Variants in WDR36 observed in about 807,000 individuals in gnomAD.
WDR36 encodes WD repeat-containing protein 36.
WDR36 carries 63 observed loss-of-function variants against 112.7 expected under a neutral mutation model. That is an observed-to-expected ratio of 0.56 (90% CI 0.46 to 0.69). The LOEUF is 0.69. Ranked by LOEUF, WDR36 falls within the 30% of genes least tolerant of loss-of-function variation. The probability of loss-of-function intolerance (pLI) is 0.00; values close to 1 mark genes in which losing one functional copy is unlikely to be tolerated. For missense variants in WDR36, 1,226 were observed against 1,070.3 expected (o/e 1.15, Z -2.03); for synonymous variants, 410 against 362.2 (o/e 1.13, Z -1.50).
In WDR36 at chr5:111,117,503, A is replaced by G. The variant is rs542011246; in HGVS notation, c.1797-1510A>G. ...TGCCCTGTTTTTGTGTTTTAGTTTC[A>G]GTAGTGGCTTTACTAGAATTTATAT... is the stretch of plus-strand genomic sequence containing the variant. On this transcript the variant is annotated intron_variant, in intron 16 of 22. Coordinates refer to ENST00000513710, the MANE Select transcript of WDR36 (RefSeq NM_139281.3). 2.6e-5 allele frequency among the ~76,000 whole-genome samples: 4 copies of G among 152,136 alleles called. No homozygotes were observed. In the South Asian group the frequency reaches 8.3e-4, roughly 32 times the overall value.
chr5:111,120,963 A>G, intron 18 of WDR36, 33 bp from the exon 19 acceptor site: 1 of 1,578,104 alleles, frequency 6.3e-7, no homozygotes, highest in Non-Finnish European at 8.7e-7. Flanking sequence ...ATATGATAAA[A>G]ATCTTTTGTT....
In WDR36 at chr5:111,125,664, C is replaced by A. The variant is rs1753666004; in HGVS notation, c.2407C>A (p.Leu803Met). ...AGGCCCATCAGGAATTGAAACAGAG[C>A]TGCGAAGCTTGTCTCCTGATTGTGG... Reference protein sequence around the residue: ...ESGPSGIETELRSLSPDCGGS... With the variant: ...ESGPSGIETEMRSLSPDCGGS... The change falls in exon 22 of 23, where the codon CTG (leucine) becomes ATG (methionine). Residue 803 changes from leucine to methionine, a missense_variant. Coordinates refer to ENST00000513710, the MANE Select transcript of WDR36 (RefSeq NM_139281.3). 3 of 1,613,858 alleles carry A rather than the reference C, an allele frequency of 1.9e-6. No individual in the cohort carries two copies. In the African/African-American group the frequency reaches 4.0e-5, roughly 22 times the overall value.
At chr5:111,116,917 A>T (rs1038207815) in intron 16 of WDR36, among the ~76,000 whole-genome samples, 3 of 152,244 alleles carry the variant, frequency 2.0e-5, no homozygotes, top group African/African-American at 7.2e-5. Context: ...CCCTTCACGT[A>T]TGTAAACTTT....
rs1396125425 is a variant in WDR36, at chr5:111,106,054, T to C, written c.1094-3T>C. The C allele has an allele frequency of 5.6e-6, 9 of 1,605,008 alleles. No individual in the cohort carries two copies. The highest frequency in any genetic ancestry group is 7.7e-6 in the Non-Finnish European group (9 of 1,172,836). On this transcript the variant is annotated splice_region_variant and splice_polypyrimidine_tract_variant and intron_variant, in intron 10 of 22. Transcript: ENST00000513710. ...TGTATGTTCCCCTTTCCCCCATCCTTAGGATTAATAAATAAAAAGAGAGTT... is the reference window on the plus strand; with the variant it reads ...TGTATGTTCCCCTTTCCCCCATCCTCAGGATTAATAAATAAAAAGAGAGTT...
At chr5:111,125,833 T>G (rs1220634000) in intron 22 of WDR36, 38 bp downstream of exon 22, 2 of 1,609,850 alleles carry the variant, frequency 1.2e-6, no homozygotes, top group Non-Finnish European at 1.7e-6. Context: ...CAGCTTGTCT[T>G]CTTCTGGGGC....
At chr5:111,113,873 C>G (rs1164194026) in intron 16 of WDR36, among the ~76,000 whole-genome samples, 3 of 152,108 alleles carry the variant, frequency 2.0e-5, no homozygotes, top group Admixed American at 1.3e-4. Context: ...ATGATAATCC[C>G]TTAATCCATG....
At chr5:111,123,955 A>G (rs759452669) in intron 20 of WDR36, 31 bp downstream of exon 20, 21 of 1,612,692 alleles carry the variant, frequency 1.3e-5, no homozygotes, top group Non-Finnish European at 1.7e-5. Context: ...TTCTAAGTAT[A>G]TCGGTGTATG....
At chr5:111,096,608 G>A (rs1429284522) in intron 2 of WDR36, among the ~76,000 whole-genome samples, 1 of 152,082 alleles carries the variant, frequency 6.6e-6, no homozygotes, top group Non-Finnish European at 1.5e-5. Context: ...GGAGGCTGAG[G>A]CAGGAGAATC....
chr5:111,092,817 G>A (rs572555439), intron 1 of WDR36, among the ~76,000 whole-genome samples, 199 bp downstream of exon 1: 48 of 152,382 alleles, frequency 3.1e-4, no homozygotes, highest in African/African-American at 1.1e-3. Context: ...GCGTGTTTCA[G>A]AGGCAGCCTG....
At chr5:111,116,554 C>G (rs1454760934) in intron 16 of WDR36, among the ~76,000 whole-genome samples, 1 of 152,096 alleles carries the variant, frequency 6.6e-6, no homozygotes, top group Non-Finnish European at 1.5e-5. Flanking sequence ...TAAATCTGAT[C>G]TCTTAGAATA....
rs17553936 is a variant in WDR36 at position 111,118,983 on chromosome 5, A to G, written c.1797-30A>G. ...TTATCTCCTTTTTGGTAGAGTTCAA[A>G]TACTTTTAACATGTTAATTATTTCT... On this transcript the variant is annotated intron_variant, in intron 16 of 22. Coordinates refer to ENST00000513710, the MANE Select transcript of WDR36 (RefSeq NM_139281.3). The G allele has an allele frequency of 0.31, 480,457 of 1,558,054 alleles. 77,848 individuals are homozygous for G. The highest frequency in any genetic ancestry group is 0.4 in the South Asian group (36,210 of 89,946).
Position 111,107,295 on chromosome 5 carries a change from G to A in WDR36, c.1182G>A (p.Glu394=). 6.2e-7 allele frequency: 1 copy of A among 1,609,384 alleles called. No homozygotes were observed. Among genetic ancestry groups the A allele is most frequent in the Non-Finnish European group, 8.5e-7 (1 of 1,177,048 alleles). Residue 394 remains glutamate, a splice_region_variant and synonymous_variant, in exon 12 of 23, where the codon GAG becomes GAA. Transcript: ENST00000513710. The stretch of plus-strand genomic sequence containing the variant: ...TTTATGATTTTCATTACGTTTTAGA[G>A]GAAGCTCGTGAAAGTGACTGGGATG... The part of the protein sequence containing the change: ...RLPPITKFAA[E]EARESDWDGI...
chr5:111,120,462 T>G, intron 17 of WDR36, 34 bp from the exon 18 acceptor site: 1 of 1,538,702 alleles, frequency 6.5e-7, no homozygotes, highest in Non-Finnish European at 9.0e-7. Context: ...CTTTTTATAA[T>G]TTTTAAAATA....
chr5:111,099,963 T>C (rs1379299), intron 4 of WDR36, among the ~76,000 whole-genome samples: 20,248 of 152,014 alleles, frequency 0.13, 1,431 homozygotes, highest in South Asian at 0.28. Flanking sequence ...AATTCAAACA[T>C]AGAAATTTTG....
chr5:111,119,040 G>T lies in WDR36; in HGVS notation c.1824G>T (p.Ser608=). 1.9e-6 allele frequency: 3 copies of T among 1,613,286 alleles called. No individual in the cohort carries two copies. Among genetic ancestry groups the T allele is most frequent in the Admixed American group, 1.7e-5 (1 of 59,980 alleles). Residue 608 remains serine (S), a synonymous_variant, in exon 17 of 23, where the codon TCG becomes TCT. Coordinates refer to ENST00000513710, the MANE Select transcript of WDR36 (RefSeq NM_139281.3). The part of the protein sequence containing the change: ...GCLIDCFLLD[S]APLNVSMSPT... ...TTATAGACTGCTTTTTGTTGGACTC[G>T]GCTCCTCTCAATGTTTCTATGTCTC...
rs140353729 is a variant in WDR36, at chr5:111,118,907, A to G, written c.1797-106A>G. On this transcript the variant is annotated intron_variant, in intron 16 of 22. Coordinates refer to ENST00000513710, the MANE Select transcript of WDR36 (RefSeq NM_139281.3). Reference sequence around the variant, plus strand: ...TGCTGGTGATTAAAAAAAAGAAAACATTTTCTGCATCTCTTATCCCTTATC... The same window carrying G: ...TGCTGGTGATTAAAAAAAAGAAAACGTTTTCTGCATCTCTTATCCCTTATC... 2.1e-5 allele frequency: 18 copies of G among 869,934 alleles called. 1 individual carries two copies. Among genetic ancestry groups the G allele is most frequent in the African/African-American group, 1.2e-4 (7 of 60,118 alleles). The allele number at this position is 869,934 out of a possible 1,614,324, so 53.9% of individuals were successfully genotyped here. A position where few individuals can be genotyped will look rare whatever the true frequency, so the allele number is the denominator to read the frequency against.
chr5:111,118,953 G>C, intron 16 of WDR36, 60 bp from the exon 17 acceptor site: 1 of 1,398,868 alleles, frequency 7.1e-7, no homozygotes, highest in South Asian at 1.2e-5. Context: ...AAATATTTTT[G>C]TGAATTATCT....
At chr5:111,116,512 C>T (rs924691088) in intron 16 of WDR36, among the ~76,000 whole-genome samples, 1 of 152,128 alleles carries the variant, frequency 6.6e-6, no homozygotes, top group Non-Finnish European at 1.5e-5. Context: ...CAGAAACAAC[C>T]TTCTGAATTG....
chr5:111,095,722 C>T (rs1437671151), intron 2 of WDR36, among the ~76,000 whole-genome samples: 1 of 152,146 alleles, frequency 6.6e-6, no homozygotes, highest in Non-Finnish European at 1.5e-5. Context: ...GAATCTGAAA[C>T]ACTTCTGGTC....
Sources: allele counts gnomAD v4.1 joint callset (sites outside exome capture counted in the v4.1 genomes callset), GRCh38; gene constraint gnomAD v4.1.1; transcripts MANE v1.5; gene names NCBI Gene and HGNC (gene_info 2026-07-23, HGNC 2026-07-21).